BRINP3: variants seen among roughly 807,000 people sequenced by gnomAD.
BRINP3 encodes the protein BMP/retinoic acid inducible neural specific 3.
A neutral mutation model predicts 71.0 loss-of-function variants in BRINP3; 19 were observed. That is an observed-to-expected ratio of 0.27 (90% CI 0.19 to 0.39). The LOEUF (loss-of-function observed/expected upper bound fraction) is 0.39, where lower values mean the gene tolerates loss of function less well. BRINP3 is among the 10% of genes least tolerant of loss of function. The pLI is 1.00. For synonymous variants in BRINP3, 380 were observed against 337.7 expected (o/e 1.13, Z -1.37); for missense variants, 959 against 940.8 (o/e 1.02, Z -0.25).
At chr1:190,255,446 T>C (rs1369729566) in intron 4 of BRINP3, among the ~76,000 whole-genome samples, 4 of 152,186 alleles carry the variant, frequency 2.6e-5, no homozygotes, top group African/African-American at 9.6e-5. Flanking sequence ...AATTAATTAT[T>C]GTCTCAATTT....
intron 2 of BRINP3, among the ~76,000 whole-genome samples, chr1:190,324,357 T>A (rs1208137666): frequency 6.6e-6 from 1 of 151,826 alleles, no homozygotes; most frequent in African/African-American, 2.4e-5. Flanking sequence ...CTCCAATACA[T>A]AAAGCTGGGT....
At chr1:190,328,286 T>C (rs1666741360) in intron 2 of BRINP3, among the ~76,000 whole-genome samples, 1 of 152,068 alleles carries the variant, frequency 6.6e-6, no homozygotes, top group South Asian at 2.1e-4. Context: ...TTTGAAAGGA[T>C]AAGCAACATA....
At chr1:190,369,776 G>A (rs970101348) in intron 2 of BRINP3, among the ~76,000 whole-genome samples, 10 of 151,824 alleles carry the variant, frequency 6.6e-5, no homozygotes, top group Non-Finnish European at 1.0e-4. Flanking sequence ...TTACTGACCC[G>A]AATATGTGAC....
At chr1:190,309,781 C>A (rs1665387848) in intron 2 of BRINP3, among the ~76,000 whole-genome samples, 2 of 151,714 alleles carry the variant, frequency 1.3e-5, no homozygotes, top group Admixed American at 1.3e-4. Flanking sequence ...GGAAATAATT[C>A]TTTCCAGGAG....
At chr1:190,253,408 C>T (rs1297436241) in intron 4 of BRINP3, among the ~76,000 whole-genome samples, 2 of 152,130 alleles carry the variant, frequency 1.3e-5, no homozygotes, top group Non-Finnish European at 1.5e-5. Flanking sequence ...AAAAGCATTC[C>T]TATTTCTACA....
chr1:190,117,951 T>A (rs937505083), intron 7 of BRINP3, among the ~76,000 whole-genome samples: 1 of 152,090 alleles, frequency 6.6e-6, no homozygotes, highest in Non-Finnish European at 1.5e-5. Context: ...GTATTCCATG[T>A]GGTATCATTT....
intron 7 of BRINP3, among the ~76,000 whole-genome samples, chr1:190,113,645 A>C (rs757016793): frequency 7.9e-5 from 12 of 152,142 alleles, no homozygotes; most frequent in Non-Finnish European, 1.6e-4. Flanking sequence ...ATAGAACTAT[A>C]CTCTTGTTTA....
intron 7 of BRINP3, among the ~76,000 whole-genome samples, chr1:190,130,871 C>G (rs942933447): frequency 1.3e-5 from 2 of 151,896 alleles, no homozygotes; most frequent in African/African-American, 4.8e-5. Context: ...ACCAAGTAAA[C>G]TTGGAAGCCA....
At chr1:190,276,778 AT>A (rs916064556) in intron 3 of BRINP3, among the ~76,000 whole-genome samples, 16 of 151,048 alleles carry the variant, frequency 1.1e-4, no homozygotes, top group Non-Finnish European at 1.6e-4. Context: ...AATGAAGAGA[AT>A]TTTTTTTGTA....
intron 2 of BRINP3, among the ~76,000 whole-genome samples, chr1:190,309,515 T>C (rs1169480539): frequency 6.6e-6 from 1 of 151,836 alleles, no homozygotes; most frequent in Non-Finnish European, 1.5e-5. Flanking sequence ...TATTGAATAG[T>C]TTTAGAGAAG....
At chr1:190,170,317 G>C (rs1651904504) in intron 6 of BRINP3, among the ~76,000 whole-genome samples, 1 of 152,046 alleles carries the variant, frequency 6.6e-6, no homozygotes, top group African/African-American at 2.4e-5. Context: ...TTCTCTGAGG[G>C]TGAGAACAAT....
chr1:190,427,538 G>A lies in BRINP3; in HGVS notation c.236+27117C>T, dbSNP rs1242891556. Among the ~76,000 whole-genome samples the A allele has an allele frequency of 2.0e-5, 3 of 151,994 alleles. No individual in the cohort carries two copies. The East Asian group carries it at 5.8e-4, about 29-fold the overall frequency. ...GCACAGGGAAATCTCCTTTTTAAAT[G>A]ATTCACTTGTGACTCACTGTTAAAG... On this transcript the variant is annotated intron_variant, in intron 2 of 7. Transcript: ENST00000367462.
chr1:190,177,425 G>A (rs553744673), intron 6 of BRINP3, among the ~76,000 whole-genome samples: 13 of 142,706 alleles, frequency 9.1e-5, no homozygotes, highest in African/African-American at 2.3e-4. Context: ...TGATCCACCC[G>A]CCTCGGCCTC....
intron 2 of BRINP3, among the ~76,000 whole-genome samples, chr1:190,347,317 A>T (rs1230293105): frequency 3.3e-5 from 5 of 151,764 alleles, no homozygotes; most frequent in African/African-American, 1.2e-4. Context: ...ATTTTTTTGT[A>T]TTTTAGTAGA....
At chr1:190,182,978 A>G (rs1342909) in intron 6 of BRINP3, among the ~76,000 whole-genome samples, 24,283 of 152,036 alleles carry the variant, frequency 0.16, 3,143 homozygotes, top group African/African-American at 0.34. Context: ...TCCTTCAAGT[A>G]AATTATCAAA....
chr1:190,157,877 C>A (rs192300854), intron 7 of BRINP3, among the ~76,000 whole-genome samples: 2 of 152,072 alleles, frequency 1.3e-5, no homozygotes, highest in African/African-American at 4.8e-5. Context: ...AGGTTTCCAA[C>A]AATGGTGGAC....
chr1:190,237,426 A>C (rs1032413558), intron 4 of BRINP3, among the ~76,000 whole-genome samples: 4 of 151,798 alleles, frequency 2.6e-5, no homozygotes, highest in African/African-American at 9.7e-5. Context: ...GAAAATAAAA[A>C]TAAATTTACT....
At chr1:190,150,313 T>C (rs1367452683) in intron 7 of BRINP3, among the ~76,000 whole-genome samples, 1 of 151,944 alleles carries the variant, frequency 6.6e-6, no homozygotes, top group Non-Finnish European at 1.5e-5. Context: ...CATATACATG[T>C]TAGAAAATAA....
chr1:190,319,468 T>A (rs1259214352), intron 2 of BRINP3, among the ~76,000 whole-genome samples: 1 of 152,104 alleles, frequency 6.6e-6, no homozygotes. Context: ...TGCACTGATA[T>A]AAAGAAACAT....
Sources: allele counts gnomAD v4.1 joint callset (sites outside exome capture counted in the v4.1 genomes callset), GRCh38; gene constraint gnomAD v4.1.1; transcripts MANE v1.5; gene names NCBI Gene and HGNC (gene_info 2026-07-23, HGNC 2026-07-21).